RANBP9: variants seen among roughly 807,000 people sequenced by gnomAD.
RANBP9 encodes the protein ran-binding protein 9.
RANBP9 carries 15 observed loss-of-function variants against 84.3 expected under a neutral mutation model. The observed-to-expected ratio is 0.18, with a 90% CI of 0.12 to 0.27. The LOEUF is 0.27. Among genes scored for constraint, RANBP9 ranks in the 10% least tolerant of loss-of-function variants. The pLI is 1.00. For synonymous variants in RANBP9, 392 were observed against 349.6 expected (o/e 1.12, Z -1.35); for missense variants, 809 against 912.8 (o/e 0.89, Z 1.46).
chr6:13,694,627 G>A (rs765771078), intron 2 of RANBP9, among the ~76,000 whole-genome samples: 64 of 152,240 alleles, frequency 4.2e-4, no homozygotes, highest in South Asian at 2.1e-4. Context: ...GTCAACTGAG[G>A]TCCAAAAATA....
At chr6:13,632,299 T>G (rs2127761596) in intron 12 of RANBP9, 71 bp downstream of exon 12, 1 of 1,491,356 alleles carries the variant, frequency 6.7e-7, no homozygotes. Context: ...GGTACACTGC[T>G]CAGTGTTTCA....
rs1269145391 is a variant in RANBP9 at position 13,711,070 on chromosome 6, CCTT to C, written c.433_435del (p.Lys145del). On this transcript the variant is annotated inframe_deletion, in exon 1 of 14. Coordinates refer to ENST00000011619, the MANE Select transcript of RANBP9 (RefSeq NM_005493.3). Reference sequence around the variant, plus strand: ...AGACGCTTCAGCCGCCGCTGCAACTCCTTCTCCTGCTCGTTCAGGGCCGAGTCC... The same window carrying C: ...AGACGCTTCAGCCGCCGCTGCAACTCCTCCTGCTCGTTCAGGGCCGAGTCC... 2.5e-6 allele frequency: 4 copies of C among 1,583,122 alleles called. No individual in the cohort carries two copies. The highest frequency in any genetic ancestry group is 3.4e-6 in the Non-Finnish European group (4 of 1,164,784).
In RANBP9 at chr6:13,711,483, G is replaced by GGCA; in HGVS notation, c.22_23insTGC (p.Pro7_Pro8insLeu). ...CTGCTGTTGCTGCTGCTGCGGCGGCGGCGGCGGCGGCTGCCCGGACATCCC... is the reference window on the plus strand; with the variant it reads ...CTGCTGTTGCTGCTGCTGCGGCGGCGGCAGCGGCGGCGGCTGCCCGGACATCCC... On this transcript the variant is annotated inframe_insertion, in exon 1 of 14. Coordinates refer to ENST00000011619, the MANE Select transcript of RANBP9 (RefSeq NM_005493.3). The GGCA allele has an allele frequency of 8.0e-7, 1 of 1,245,674 alleles. No homozygotes were observed. Among genetic ancestry groups the GGCA allele is most frequent in the Non-Finnish European group, 1.0e-6 (1 of 994,206 alleles). 77.2% of individuals were successfully genotyped at this position (1,245,674 alleles called of 1,614,324 possible).
chr6:13,709,163 T>C (rs1047147270), intron 1 of RANBP9, among the ~76,000 whole-genome samples: 2 of 152,222 alleles, frequency 1.3e-5, no homozygotes, highest in Non-Finnish European at 2.9e-5. Context: ...ATCAATTTTA[T>C]GTAAAAGACT....
Position 13,711,477 on chromosome 6 carries a change from G to A in RANBP9, c.29C>T (p.Pro10Leu). 2 of 1,182,482 alleles carry A rather than the reference G, an allele frequency of 1.7e-6. No individual in the cohort carries two copies. Among genetic ancestry groups the A allele is most frequent in the South Asian group, 3.8e-5 (1 of 26,414 alleles). 73.2% of individuals were successfully genotyped at this position (1,182,482 alleles called of 1,614,324 possible). A position where few individuals can be genotyped will look rare whatever the true frequency, so the allele number is the denominator to read the frequency against. Residue 10 changes from proline to leucine, a missense_variant, in exon 1 of 14, where the codon CCG becomes CTG. This residue lies in a region of RANBP9 where 302 missense variants were observed against 240.1 expected (regional missense o/e 1.26). Transcript: ENST00000011619. ...CTGCTGCTGCTGTTGCTGCTGCTGC[G>A]GCGGCGGCGGCGGCGGCTGCCCGGA... The part of the protein sequence containing the change: MSGQPPPPP[P>L]QQQQQQQQLS...
chr6:13,639,793 A>G, intron 8 of RANBP9, 40 bp from the exon 9 acceptor site: 1 of 1,498,858 alleles, frequency 6.7e-7, no homozygotes, highest in Non-Finnish European at 9.2e-7. Context: ...CACAATCTTC[A>G]AATGGCCTTT....
intron 5 of RANBP9, among the ~76,000 whole-genome samples, chr6:13,649,336 G>A (rs1765241971): frequency 1.3e-5 from 2 of 151,456 alleles, no homozygotes; most frequent in Admixed American, 1.3e-4. Flanking sequence ...AAGTGGGAGA[G>A]AAAATAAACA....
chr6:13,707,032 A>C (rs1584952959), intron 1 of RANBP9, among the ~76,000 whole-genome samples: 1 of 149,546 alleles, frequency 6.7e-6, no homozygotes, highest in Non-Finnish European at 1.5e-5. Flanking sequence ...AATGCAATTC[A>C]CTATTTATTT....
intron 7 of RANBP9, 111 bp downstream of exon 7, chr6:13,642,368 A>T (rs895407396): frequency 6.8e-6 from 3 of 439,112 alleles, no homozygotes; most frequent in Non-Finnish European, 1.1e-5. Flanking sequence ...ATCCATTTTA[A>T]ATTAATATAT....
chr6:13,649,582 C>T (rs1320830226), intron 5 of RANBP9, among the ~76,000 whole-genome samples: 3 of 152,096 alleles, frequency 2.0e-5, no homozygotes, highest in Non-Finnish European at 4.4e-5. Flanking sequence ...GAATCTGCAC[C>T]TACACACTCT....
At chr6:13,634,610 A>G (rs1764889885) in intron 10 of RANBP9, 58 bp from the exon 11 acceptor site, 1 of 1,492,418 alleles carries the variant, frequency 6.7e-7, no homozygotes, top group East Asian at 2.3e-5. Flanking sequence ...CTTAGTTTAA[A>G]ATAAATCACT....
intron 1 of RANBP9, among the ~76,000 whole-genome samples, chr6:13,703,618 A>G (rs1232452472): frequency 6.6e-6 from 1 of 152,232 alleles, no homozygotes; most frequent in Non-Finnish European, 1.5e-5. Context: ...CTGCCCAACT[A>G]AGAATCATAG....
At chr6:13,653,332 T>C (rs894488737) in intron 4 of RANBP9, among the ~76,000 whole-genome samples, 6 of 152,176 alleles carry the variant, frequency 3.9e-5, no homozygotes, top group African/African-American at 1.2e-4. Flanking sequence ...ACTTGAGCAA[T>C]GGCAATATCA....
At chr6:13,644,475 T>C (rs969249897) in intron 6 of RANBP9, 70 bp downstream of exon 6, 160 of 1,474,048 alleles carry the variant, frequency 1.1e-4, no homozygotes, top group Non-Finnish European at 1.4e-4. Flanking sequence ...CTTCTGTGGA[T>C]ACCAACAGAA....
chr6:13,654,041 A>C (rs1765350295), intron 4 of RANBP9, among the ~76,000 whole-genome samples: 1 of 152,138 alleles, frequency 6.6e-6, no homozygotes, highest in Non-Finnish European at 1.5e-5. Context: ...TTTCTCAAAG[A>C]TGTCTAGTTA....
intron 9 of RANBP9, 101 bp downstream of exon 9, chr6:13,639,462 G>A: frequency 1.6e-6 from 2 of 1,285,356 alleles, no homozygotes; most frequent in Non-Finnish European, 2.1e-6. Flanking sequence ...ACAAGCGTGA[G>A]CCACCGTGCC....
chr6:13,623,543 AGT>A (rs1764517689), intron 13 of RANBP9, among the ~76,000 whole-genome samples: 1 of 152,168 alleles, frequency 6.6e-6, no homozygotes, highest in South Asian at 2.1e-4. Context: ...TTGATGAGAA[AGT>A]GTGGTGTCTT....
intron 2 of RANBP9, among the ~76,000 whole-genome samples, chr6:13,673,709 A>G (rs1025598234): frequency 6.6e-6 from 1 of 152,176 alleles, no homozygotes; most frequent in Non-Finnish European, 1.5e-5. Context: ...GCTCTAAGGG[A>G]AACTACCAAA....
intron 2 of RANBP9, among the ~76,000 whole-genome samples, chr6:13,688,939 G>A (rs987292430): frequency 6.7e-5 from 9 of 133,844 alleles, no homozygotes; most frequent in Admixed American, 6.3e-4. Flanking sequence ...TTGAGGCCAG[G>A]AGTTCAAGAC....
Sources: gnomAD v4.1 joint callset for allele counts (sites outside exome capture counted in the v4.1 genomes callset) on GRCh38, gnomAD v4.1.1 for gene constraint, gnomAD v4.1.1 regional missense constraint, MANE v1.5 for transcripts, NCBI Gene and HGNC (gene_info 2026-07-23, HGNC 2026-07-21) for gene names.